PARP8: variants seen among roughly 807,000 people sequenced by gnomAD.
The protein encoded by PARP8 is protein mono-ADP-ribosyltransferase PARP8.
A neutral mutation model predicts 124.1 loss-of-function variants in PARP8; 51 were observed. That is an observed-to-expected ratio of 0.41 (90% CI 0.33 to 0.52). PARP8 has a LOEUF of 0.52. Ranked by LOEUF, PARP8 falls within the 20% of genes least tolerant of loss-of-function variation. The probability of loss-of-function intolerance (pLI) is 0.21; values close to 1 mark genes in which losing one functional copy is unlikely to be tolerated. For synonymous variants in PARP8, 391 were observed against 361.5 expected (o/e 1.08, Z -0.93); for missense variants, 860 against 1,018.9 (o/e 0.84, Z 2.12).
chr5:50,817,881 T>G (rs1237275447), intron 15 of PARP8, among the ~76,000 whole-genome samples: 43 of 152,156 alleles, frequency 2.8e-4, no homozygotes, highest in Non-Finnish European at 2.9e-5. Context: ...GCTCTGCCAG[T>G]TGAATTGTAG....
At chr5:50,692,010 A>G (rs1298336787) in intron 2 of PARP8, among the ~76,000 whole-genome samples, 1 of 151,834 alleles carries the variant, frequency 6.6e-6, no homozygotes, top group Non-Finnish European at 1.5e-5. Context: ...CTTAATTCCA[A>G]CCACCACCAC....
In PARP8 at chr5:50,744,759, T is replaced by C. The variant is rs150821721; in HGVS notation, c.147-5392T>C. The C allele has an allele frequency of 6.6e-4, 462 of 701,838 alleles. 3 individuals carry two copies. In the East Asian group the frequency reaches 0.011, roughly 17 times the overall value. The allele number at this position is 701,838 out of a possible 1,614,324, so 43.5% of individuals were successfully genotyped here. On this transcript the variant is annotated intron_variant, in intron 2 of 25. Transcript: ENST00000281631. ...AGGAATTCAGAGCTTGCTCCAGGGA[T>C]GTGAGGACAAAAGATGAGTATGACT...
intron 14 of PARP8, among the ~76,000 whole-genome samples, chr5:50,808,247 A>G (rs1744078813): frequency 6.6e-6 from 1 of 151,642 alleles, no homozygotes; most frequent in Non-Finnish European, 1.5e-5. Flanking sequence ...TCAGTATTTA[A>G]AGGGGAAAGA....
intron 2 of PARP8, among the ~76,000 whole-genome samples, chr5:50,682,993 G>C (rs1007149028): frequency 6.6e-5 from 10 of 152,110 alleles, no homozygotes; most frequent in Admixed American, 4.6e-4. Context: ...AAAATGCCTT[G>C]GTCTCGGTAT....
At chr5:50,690,297 G>T (rs981170860) in intron 2 of PARP8, among the ~76,000 whole-genome samples, 1 of 152,180 alleles carries the variant, frequency 6.6e-6, no homozygotes, top group Non-Finnish European at 1.5e-5. Context: ...TTGGAAGAAG[G>T]TAGAGGAATT....
Position 50,778,812 on chromosome 5 carries a change from A to G in PARP8, c.670+162A>G, listed in dbSNP as rs1468004140. Among the ~76,000 whole-genome samples, 4 of 152,200 alleles carry G rather than the reference A, an allele frequency of 2.6e-5. No individual in the cohort carries two copies. In the East Asian group the frequency reaches 7.7e-4, roughly 29 times the overall value. On this transcript the variant is annotated intron_variant, in intron 9 of 25. Coordinates refer to ENST00000281631, the MANE Select transcript of PARP8 (RefSeq NM_024615.4). ...GTCTAAGAAAGATGGTTTATTGCCA[A>G]TATAACTTATGGAAACAGAAACGTA... is the stretch of plus-strand genomic sequence containing the variant.
At chr5:50,682,773 C>T (rs1402130703) in intron 2 of PARP8, among the ~76,000 whole-genome samples, 1 of 152,074 alleles carries the variant, frequency 6.6e-6, no homozygotes, top group African/African-American at 2.4e-5. Context: ...CATTTATATC[C>T]TACTGATTGC....
chr5:50,805,032 A>G (rs1285606322), intron 14 of PARP8, among the ~76,000 whole-genome samples: 8 of 152,128 alleles, frequency 5.3e-5, no homozygotes, highest in African/African-American at 1.9e-4. Flanking sequence ...GGTTGCTGCA[A>G]GTTTTAAAAT....
chr5:50,708,818 G>A (rs755238414), intron 2 of PARP8, among the ~76,000 whole-genome samples: 6 of 151,440 alleles, frequency 4.0e-5, no homozygotes, highest in Admixed American at 2.6e-4. Context: ...TGTCTTACCC[G>A]TCAACCAGGC....
chr5:50,693,702 TTTGA>T (rs201713074), intron 2 of PARP8, among the ~76,000 whole-genome samples: 368 of 151,674 alleles, frequency 2.4e-3, no homozygotes, highest in Middle Eastern at 0.01. Context: ...AAATTAATCA[TTTGA>T]TTGAATTATA....
chr5:50,681,648 T>C (rs866410775), intron 2 of PARP8, among the ~76,000 whole-genome samples: 1 of 152,146 alleles, frequency 6.6e-6, no homozygotes, highest in Non-Finnish European at 1.5e-5. Context: ...CTCTCTGAAG[T>C]TGTAGAGGAG....
chr5:50,818,187 C>G (rs536548476), intron 15 of PARP8, among the ~76,000 whole-genome samples: 10 of 145,650 alleles, frequency 6.9e-5, no homozygotes, highest in Admixed American at 1.4e-4. Flanking sequence ...CCCCCCCCCC[C>G]CCAAAAAAAA....
At chr5:50,828,077 A>T in intron 20 of PARP8, 21 bp downstream of exon 20, 6 of 1,497,160 alleles carry the variant, frequency 4.0e-6, no homozygotes, top group Non-Finnish European at 5.6e-6. Flanking sequence ...CTTAATGTTA[A>T]TGGGGGTGTG....
At chr5:50,762,091 T>C (rs140465242) in intron 6 of PARP8, among the ~76,000 whole-genome samples, 193 bp downstream of exon 6, 1 of 152,272 alleles carries the variant, frequency 6.6e-6, no homozygotes, top group African/African-American at 2.4e-5. Context: ...CTGCAGTCCT[T>C]TCAATTGTAA....
At position 50,825,076 on chromosome 5, in the gene PARP8, G is replaced by A. The variant is rs1168354588; in HGVS notation, c.1928+101G>A. On this transcript the variant is annotated intron_variant, in intron 18 of 25. Transcript: ENST00000281631. ...AAACAAAAGTAAACCTGTCTTACAA[G>A]CCCTGCAATGCTATAGTTCTACAAG... is the stretch of plus-strand genomic sequence containing the variant. The A allele has an allele frequency of 1.6e-5, 15 of 934,018 alleles. No individual in the cohort carries two copies. In the Admixed American group the frequency reaches 2.6e-4, roughly 16 times the overall value. 57.9% of individuals were successfully genotyped at this position (934,018 alleles called of 1,614,324 possible). A position where few individuals can be genotyped will look rare whatever the true frequency, so the allele number is the denominator to read the frequency against.
intron 2 of PARP8, among the ~76,000 whole-genome samples, chr5:50,747,612 C>T (rs2149546679): frequency 6.6e-6 from 1 of 151,948 alleles, no homozygotes; most frequent in South Asian, 2.1e-4. Context: ...CGAACTGACA[C>T]GTTTATCATT....
intron 18 of PARP8, among the ~76,000 whole-genome samples, chr5:50,825,742 G>A (rs1746274487): frequency 6.6e-6 from 1 of 152,136 alleles, no homozygotes; most frequent in South Asian, 2.1e-4. Context: ...TAATACAAAT[G>A]TAAGGCTTAT....
At chr5:50,689,032 ATTTT>A (rs67863550) in intron 2 of PARP8, among the ~76,000 whole-genome samples, 1 of 111,274 alleles carries the variant, frequency 9.0e-6, no homozygotes, top group Middle Eastern at 4.8e-3. Flanking sequence ...TTTTTTTTTG[ATTTT>A]TTTTTTTTTT....
intron 19 of PARP8, 91 bp from the exon 20 acceptor site, chr5:50,827,853 A>C: frequency 1.1e-6 from 1 of 894,552 alleles, no homozygotes; most frequent in Non-Finnish European, 1.8e-6. Flanking sequence ...GAAAGTGGGT[A>C]ATTCTTAAAC....
Sources: gnomAD v4.1 joint callset for allele counts (sites outside exome capture counted in the v4.1 genomes callset) on GRCh38, gnomAD v4.1.1 for gene constraint, MANE v1.5 for transcripts, NCBI Gene and HGNC (gene_info 2026-07-23, HGNC 2026-07-21) for gene names.